The following MON2 variants were observed in gnomAD, a reference collection of about 807,000 sequenced individuals.
MON2 encodes MON2 regulator of endosome-to-Golgi trafficking.
A neutral mutation model predicts 208.6 loss-of-function variants in MON2; 84 were observed. The observed-to-expected ratio is 0.40, with a 90% CI of 0.34 to 0.48. The LOEUF is 0.48. MON2 is among the 20% of genes least tolerant of loss of function. MON2 has a pLI of 0.59. For synonymous variants in MON2, 660 were observed against 694.0 expected, an observed-to-expected ratio of 0.95 and a Z score of 0.77; for missense variants, 1,611 against 2,015.4, an observed-to-expected ratio of 0.80 and a Z score of 3.84.
intron 20 of MON2, 171 bp from the exon 21 acceptor site, chr12:62,544,727 T>C: frequency 1.3e-6 from 2 of 1,504,900 alleles, no homozygotes; most frequent in Non-Finnish European, 1.8e-6. Flanking sequence ...TCATCTTTTT[T>C]CTTCTGTCTC....
Position 62,469,987 on chromosome 12 carries a change from G to A in MON2, c.111+2669G>A, listed in dbSNP as rs545017221. On this transcript the variant is annotated intron_variant, in intron 1 of 34. Coordinates refer to ENST00000393630, the MANE Select transcript of MON2 (RefSeq NM_015026.3). ...TGGCAGGATCTTGGCTCACTGCAGC[G>A]TTGACATCCTGGGTTCAAGTGATTC... Among the ~76,000 whole-genome samples, 53 of 151,642 alleles carry A rather than the reference G, an allele frequency of 3.5e-4. 1 individual carries two copies. Among genetic ancestry groups the A allele is most frequent in the Non-Finnish European group, 4.1e-4 (28 of 67,878 alleles).
chr12:62,554,485 G>A (rs1259400402), intron 24 of MON2, among the ~76,000 whole-genome samples: 1 of 151,212 alleles, frequency 6.6e-6, no homozygotes, highest in East Asian at 2.0e-4. Context: ...TTATTCATAG[G>A]CTACAGTTGG....
intron 25 of MON2, among the ~76,000 whole-genome samples, chr12:62,556,945 TGTG>T (rs1479487784): frequency 6.6e-6 from 1 of 151,990 alleles, no homozygotes; most frequent in African/African-American, 2.4e-5. Flanking sequence ...ATCATCCAAA[TGTG>T]GTGGTGCACA....
intron 8 of MON2, among the ~76,000 whole-genome samples, chr12:62,519,132 A>T (rs2071864944): frequency 6.6e-6 from 1 of 152,192 alleles, no homozygotes; most frequent in Non-Finnish European, 1.5e-5. Flanking sequence ...TTAATAAATA[A>T]CCATGTGGAA....
chr12:62,476,187 G>T (rs1025878030), intron 1 of MON2, among the ~76,000 whole-genome samples: 2 of 152,118 alleles, frequency 1.3e-5, no homozygotes, highest in Non-Finnish European at 2.9e-5. Flanking sequence ...TTTTTAGAAG[G>T]TTTTAGGGTT....
At chr12:62,569,543 A>G (rs1184087010) in intron 29 of MON2, among the ~76,000 whole-genome samples, 1 of 152,180 alleles carries the variant, frequency 6.6e-6, no homozygotes, top group Non-Finnish European at 1.5e-5. Context: ...AGGAAGAGAG[A>G]GAGGAAGAGA....
At position 62,580,277 on chromosome 12, in the gene MON2, A is replaced by C; in HGVS notation, c.4576-20A>C. 3.1e-6 allele frequency: 5 copies of C among 1,602,322 alleles called. No individual in the cohort carries two copies. The highest frequency in any genetic ancestry group is 4.3e-6 in the Non-Finnish European group (5 of 1,174,606). On this transcript the variant is annotated intron_variant, in intron 31 of 34. Coordinates refer to ENST00000393630, the MANE Select transcript of MON2 (RefSeq NM_015026.3). ...CTTTCAAAGAAAACAATACATTTGC[A>C]TTTGCCTCTTTTGTTTTAGGTAGTT...
intron 19 of MON2, among the ~76,000 whole-genome samples, chr12:62,542,652 T>C (rs1319131859): frequency 2.6e-5 from 4 of 152,224 alleles, no homozygotes; most frequent in Non-Finnish European, 5.9e-5. Flanking sequence ...GCTGTTCTGT[T>C]AGTGTCTGGA....
chr12:62,468,194 G>T (rs1250658765), intron 1 of MON2, among the ~76,000 whole-genome samples: 1 of 150,914 alleles, frequency 6.6e-6, no homozygotes, highest in Non-Finnish European at 1.5e-5. Context: ...CCAAAAACAG[G>T]CCCGGCTAAT....
At position 62,535,606 on chromosome 12, in the gene MON2, T is replaced by G; in HGVS notation, c.1797T>G (p.Thr599=). 2 of 1,613,862 alleles carry G rather than the reference T, an allele frequency of 1.2e-6. No individual in the cohort carries two copies. Among genetic ancestry groups the G allele is most frequent in the Non-Finnish European group, 1.7e-6 (2 of 1,179,826 alleles). ...AALCGRLGLV[T]SRDAFITAIC... ...TTTGTGGAAGACTGGGCCTTGTAACTTCAAGAGATGCCTTTATAACTGCAA... is the reference window on the plus strand; with the variant it reads ...TTTGTGGAAGACTGGGCCTTGTAACGTCAAGAGATGCCTTTATAACTGCAA... Residue 599 remains threonine (T), a synonymous_variant, in exon 14 of 35, where the codon ACT becomes ACG. Transcript: ENST00000393630.
chr12:62,560,961 G>C lies in MON2; in HGVS notation c.3880G>C (p.Asp1294His). The change falls in exon 26 of 35, where the codon GAT becomes CAT. Residue 1294 changes from aspartate (D) to histidine (H), a missense_variant. Coordinates refer to ENST00000393630, the MANE Select transcript of MON2 (RefSeq NM_015026.3). ...YQHIKTGFNMDDLQKLGVILH... is the reference protein window; with the variant it reads ...YQHIKTGFNMHDLQKLGVILH... Reference sequence around the variant, plus strand: ...ACACATAAAAACTGGTTTCAATATGGATGACTTGCAAAAGTTGGGAGTCAT... The same window carrying C: ...ACACATAAAAACTGGTTTCAATATGCATGACTTGCAAAAGTTGGGAGTCAT... 1 of 1,613,882 alleles carries C rather than the reference G, an allele frequency of 6.2e-7. No individual in the cohort carries two copies. The highest frequency in any genetic ancestry group is 8.5e-7 in the Non-Finnish European group (1 of 1,179,906).
chr12:62,591,023 T>C (rs1443331780), intron 34 of MON2, among the ~76,000 whole-genome samples: 2 of 152,208 alleles, frequency 1.3e-5, no homozygotes, highest in Admixed American at 1.3e-4. Context: ...TAACATACTT[T>C]TGTGTTTTAC....
At chr12:62,539,006 G>A in intron 19 of MON2, among the ~76,000 whole-genome samples, 1 of 151,864 alleles carries the variant, frequency 6.6e-6, no homozygotes, top group East Asian at 1.9e-4. Context: ...CGGTACTTTT[G>A]AATATTAACA....
intron 7 of MON2, among the ~76,000 whole-genome samples, chr12:62,502,030 G>T (rs2070860423): frequency 6.6e-6 from 1 of 152,096 alleles, no homozygotes; most frequent in Non-Finnish European, 1.5e-5. Context: ...GACCAGCCTG[G>T]CCAATATGGT....
intron 1 of MON2, among the ~76,000 whole-genome samples, chr12:62,470,461 T>C (rs911908395): frequency 6.6e-6 from 1 of 152,200 alleles, no homozygotes; most frequent in Admixed American, 6.5e-5. Context: ...TTTCTATTTT[T>C]CTTAGTTGTT....
At chr12:62,560,169 A>G in intron 25 of MON2, 1 of 191,448 alleles carries the variant, frequency 5.2e-6, no homozygotes, top group Non-Finnish European at 1.1e-5. Context: ...ACATGGATGA[A>G]TTGTATAGTG....
chr12:62,511,832 A>G (rs2071417333), intron 8 of MON2, among the ~76,000 whole-genome samples: 1 of 152,216 alleles, frequency 6.6e-6, no homozygotes. Flanking sequence ...TAGTTTTTAC[A>G]CTGCTGATAA....
At chr12:62,536,464 T>C (rs2072973224) in intron 14 of MON2, among the ~76,000 whole-genome samples, 1 of 151,850 alleles carries the variant, frequency 6.6e-6, no homozygotes, top group Non-Finnish European at 1.5e-5. Flanking sequence ...GCCTCCCAAG[T>C]AGTTGTTATT....
At chr12:62,534,997 C>T in intron 13 of MON2, 71 bp downstream of exon 13, 3 of 1,078,424 alleles carry the variant, frequency 2.8e-6, no homozygotes, top group East Asian at 2.4e-5. Context: ...GGTTTACTTA[C>T]ATTTGTCCCT....
Sources: allele counts gnomAD v4.1 joint callset (sites outside exome capture counted in the v4.1 genomes callset), GRCh38; gene constraint gnomAD v4.1.1; transcripts MANE v1.5; gene names NCBI Gene and HGNC (gene_info 2026-07-23, HGNC 2026-07-21).